Variants in ZNF721 observed in about 807,000 individuals in gnomAD.
ZNF721 encodes the protein zinc finger protein 721.
In ZNF721, 2 loss-of-function variants were observed where a neutral mutation model predicts 2.4. The observed-to-expected ratio is 0.82, with a 90% confidence interval of 0.34 to 2.58. The LOEUF is 2.58. Among genes scored for constraint, ZNF721 ranks in the 30% most tolerant of loss-of-function variants. The probability of loss-of-function intolerance (pLI) is 0.11; values close to 1 mark genes in which losing one functional copy is unlikely to be tolerated. For synonymous variants in ZNF721, 398 were observed against 381.8 expected, an observed-to-expected ratio of 1.04 and a Z score of -0.50; for missense variants, 1,187 against 1,085.5, an observed-to-expected ratio of 1.09 and a Z score of -1.31.
chr4:477,518 A>G (rs188228608), intron 1 of ZNF721, among the ~76,000 whole-genome samples: 64 of 152,174 alleles, frequency 4.2e-4, no homozygotes, highest in African/African-American at 1.2e-3. Flanking sequence ...GATTACAGGC[A>G]TGAGCCACCG....
At chr4:489,390 C>G (rs1489592468) in intron 1 of ZNF721, among the ~76,000 whole-genome samples, 1 of 152,184 alleles carries the variant, frequency 6.6e-6, no homozygotes, top group Non-Finnish European at 1.5e-5. Context: ...TTAATAAATC[C>G]TACTCTGCTT....
intron 2 of ZNF721, among the ~76,000 whole-genome samples, chr4:445,223 T>G (rs1343894615): frequency 6.6e-6 from 1 of 152,122 alleles, no homozygotes; most frequent in Non-Finnish European, 1.5e-5. Flanking sequence ...GACCTCGTGA[T>G]CCACCTGCCT....
intron 1 of ZNF721, chr4:474,170 G>T: frequency 1.8e-6 from 1 of 540,670 alleles, no homozygotes; most frequent in Non-Finnish European, 3.1e-6. Context: ...GATCCCGGAT[G>T]CCGCCCCCTC....
chr4:455,997 GTTTC>G (rs1714833766), intron 2 of ZNF721, among the ~76,000 whole-genome samples: 1 of 151,982 alleles, frequency 6.6e-6, no homozygotes. Flanking sequence ...ATATTCCACT[GTTTC>G]TTTGCCTACT....
chr4:475,336 TA>T (rs1474993868), intron 1 of ZNF721, among the ~76,000 whole-genome samples: 7 of 150,862 alleles, frequency 4.6e-5, no homozygotes, highest in African/African-American at 9.9e-5. Flanking sequence ...GACTTACTAA[TA>T]TTTTTTTTTA....
chr4:461,326 T>C (rs1417038755), intron 2 of ZNF721, among the ~76,000 whole-genome samples: 2 of 152,104 alleles, frequency 1.3e-5, no homozygotes, highest in East Asian at 1.9e-4. Context: ...TGTAATCAAT[T>C]ACATAAACAG....
At position 444,095 on chromosome 4, in the gene ZNF721, T is replaced by C. The variant is rs1714385764; in HGVS notation, c.372A>G (p.Leu124=). ...CGKSFQKFSD[L]TQHKGIHAGE... Reference sequence around the variant, plus strand: ...CAGCATGAATTCCTTTATGTTGAGTTAGGTCTGAGAACTTCTGAAATGACT... The same window carrying C: ...CAGCATGAATTCCTTTATGTTGAGTCAGGTCTGAGAACTTCTGAAATGACT... Residue 124 remains leucine, a synonymous_variant, in exon 3 of 3, where the codon CTA becomes CTG. Transcript: ENST00000511833. 6.2e-7 allele frequency: 1 copy of C among 1,614,064 alleles called. No individual in the cohort carries two copies. The highest frequency in any genetic ancestry group is 1.7e-5 in the Admixed American group (1 of 60,012).
chr4:489,153 G>C lies in ZNF721; in HGVS notation c.-94+9903C>G, dbSNP rs538165450. On this transcript the variant is annotated intron_variant, in intron 1 of 2. Coordinates refer to ENST00000511833, the MANE Select transcript of ZNF721 (RefSeq NM_133474.4). ...TTTAGCTTCACCCTTTCCACCCGCC[G>C]TGGGTTTCCCTTGGGCACTCATAGG... Among the ~76,000 whole-genome samples, 4 of 152,228 alleles carry C rather than the reference G, an allele frequency of 2.6e-5. No homozygotes were observed. The East Asian group carries it at 7.7e-4, about 29-fold the overall frequency.
At chr4:485,471 C>T (rs782046341) in intron 1 of ZNF721, among the ~76,000 whole-genome samples, 4 of 151,664 alleles carry the variant, frequency 2.6e-5, no homozygotes, top group Non-Finnish European at 4.4e-5. Context: ...AGAACACAGG[C>T]GGGACTGAAA....
intron 1 of ZNF721, among the ~76,000 whole-genome samples, chr4:486,221 C>T (rs1403152287): frequency 4.0e-5 from 6 of 148,970 alleles, no homozygotes; most frequent in East Asian, 2.0e-4. Context: ...TGCAGTGGCG[C>T]GATCTTGGCT....
chr4:468,003 G>A (rs1715308472), intron 2 of ZNF721, among the ~76,000 whole-genome samples: 1 of 151,862 alleles, frequency 6.6e-6, no homozygotes, highest in Non-Finnish European at 1.5e-5. Flanking sequence ...GAGCGTGCCG[G>A]GTGCGGTGGC....
chr4:477,566 A>G (rs1715664890), intron 1 of ZNF721, among the ~76,000 whole-genome samples: 4 of 152,032 alleles, frequency 2.6e-5, no homozygotes. Context: ...TATCACCAGG[A>G]AGTAGTTACA....
At chr4:471,844 T>G (rs1715446277) in intron 2 of ZNF721, among the ~76,000 whole-genome samples, 1 of 152,144 alleles carries the variant, frequency 6.6e-6, no homozygotes, top group African/African-American at 2.4e-5. Flanking sequence ...TATTACAAAA[T>G]ATATGCATAT....
intron 1 of ZNF721, among the ~76,000 whole-genome samples, chr4:476,500 TAA>T (rs1379532854): frequency 6.6e-6 from 1 of 152,240 alleles, no homozygotes; most frequent in Non-Finnish European, 1.5e-5. Flanking sequence ...CCTCACCCCT[TAA>T]GTTTCCATTG....
intron 2 of ZNF721, among the ~76,000 whole-genome samples, chr4:452,356 C>T (rs182301298): frequency 6.6e-6 from 1 of 152,302 alleles, no homozygotes; most frequent in Admixed American, 6.5e-5. Flanking sequence ...GTCCATTTTA[C>T]AAAAGGCTAA....
intron 2 of ZNF721, among the ~76,000 whole-genome samples, chr4:462,559 A>C (rs1158184856): frequency 6.6e-6 from 1 of 152,230 alleles, no homozygotes; most frequent in Non-Finnish European, 1.5e-5. Flanking sequence ...ACAGAGATAC[A>C]GACCAATGGA....
intron 2 of ZNF721, among the ~76,000 whole-genome samples, chr4:451,365 T>C (rs1419675281): frequency 6.6e-6 from 1 of 152,182 alleles, no homozygotes; most frequent in Non-Finnish European, 1.5e-5. Flanking sequence ...AAAAACAAGT[T>C]GACCATTTTG....
chr4:485,448 T>G (rs1475102796), intron 1 of ZNF721, among the ~76,000 whole-genome samples: 1 of 151,384 alleles, frequency 6.6e-6, no homozygotes. Flanking sequence ...AAACAAGCAG[T>G]AGAGGTGAGT....
At chr4:449,213 T>C (rs1245946994) in intron 2 of ZNF721, among the ~76,000 whole-genome samples, 1 of 150,948 alleles carries the variant, frequency 6.6e-6, no homozygotes, top group Non-Finnish European at 1.5e-5. Context: ...AGTTTCAGCA[T>C]TTTTGAAAAC....
Sources: allele counts gnomAD v4.1 joint callset (sites outside exome capture counted in the v4.1 genomes callset), GRCh38; gene constraint gnomAD v4.1.1; transcripts MANE v1.5; gene names NCBI Gene and HGNC (gene_info 2026-07-23, HGNC 2026-07-21).